Variants in ITGA9 observed in about 807,000 individuals in gnomAD.
ITGA9 encodes integrin alpha-9.
A neutral mutation model predicts 127.8 loss-of-function variants in ITGA9; 56 were observed. That is an observed-to-expected ratio of 0.44 (90% CI 0.35 to 0.55). The LOEUF (loss-of-function observed/expected upper bound fraction) is 0.55, where lower values mean the gene tolerates loss of function less well. Ranked by LOEUF, ITGA9 falls within the 20% of genes least tolerant of loss-of-function variation. ITGA9 has a pLI of 0.00. For synonymous variants in ITGA9, 508 were observed against 514.5 expected, an observed-to-expected ratio of 0.99 and a Z score of 0.17; for missense variants, 1,196 against 1,347.1, an observed-to-expected ratio of 0.89 and a Z score of 1.76.
At chr3:37,496,018 A>G (rs1698724209) in intron 5 of ITGA9, among the ~76,000 whole-genome samples, 1 of 152,090 alleles carries the variant, frequency 6.6e-6, no homozygotes, top group Non-Finnish European at 1.5e-5. Context: ...AGAGCTGGGG[A>G]AGGGCATGGG....
chr3:37,526,449 G>A (rs1490350993), intron 13 of ITGA9, among the ~76,000 whole-genome samples: 2 of 152,224 alleles, frequency 1.3e-5, no homozygotes, highest in African/African-American at 4.8e-5. Flanking sequence ...CGGGTGCTGG[G>A]AAGCACTGTT....
Position 37,473,342 on chromosome 3 carries a change from C to G in ITGA9, c.314-12C>G, listed in dbSNP as rs768455990. The G allele has an allele frequency of 1.2e-6, 2 of 1,611,948 alleles. No individual in the cohort carries two copies. Among genetic ancestry groups the G allele is most frequent in the Non-Finnish European group, 1.7e-6 (2 of 1,178,148 alleles). On this transcript the variant is annotated splice_polypyrimidine_tract_variant and intron_variant, in intron 2 of 27. Transcript: ENST00000264741. Reference sequence around the variant, plus strand: ...CCTCAACCCAAGTCTGGCTCTTCTCCTCTTTCTCCAGGGAAGAATCGGGGC... The same window carrying G: ...CCTCAACCCAAGTCTGGCTCTTCTCGTCTTTCTCCAGGGAAGAATCGGGGC...
intron 15 of ITGA9, among the ~76,000 whole-genome samples, chr3:37,556,244 G>GC (rs1699429820): frequency 6.6e-6 from 1 of 152,216 alleles, no homozygotes; most frequent in South Asian, 2.1e-4. Flanking sequence ...GAAATGGGGA[G>GC]CAGAATACTG....
At chr3:37,634,153 C>G (rs1700255090) in intron 16 of ITGA9, among the ~76,000 whole-genome samples, 1 of 151,468 alleles carries the variant, frequency 6.6e-6, no homozygotes, top group South Asian at 2.1e-4. Flanking sequence ...ATCACTTGAC[C>G]ACAAAGGAAG....
chr3:37,467,157 T>C (rs1698382026), intron 1 of ITGA9, among the ~76,000 whole-genome samples: 1 of 152,130 alleles, frequency 6.6e-6, no homozygotes. Context: ...TGTAAACACA[T>C]AGATACAAGC....
chr3:37,764,208 A>T (rs1292921221), intron 23 of ITGA9, among the ~76,000 whole-genome samples: 1 of 152,122 alleles, frequency 6.6e-6, no homozygotes, highest in Non-Finnish European at 1.5e-5. Context: ...TCCAAAAAAG[A>T]TTACAATTCC....
chr3:37,454,218 T>G (rs1024010112), intron 1 of ITGA9, among the ~76,000 whole-genome samples: 2 of 152,208 alleles, frequency 1.3e-5, no homozygotes, highest in African/African-American at 4.8e-5. Flanking sequence ...TTGGAGCTCT[T>G]TGACAGCTAG....
At chr3:37,614,340 C>A (rs2125627568) in intron 15 of ITGA9, among the ~76,000 whole-genome samples, 1 of 151,944 alleles carries the variant, frequency 6.6e-6, no homozygotes, top group African/African-American at 2.4e-5. Flanking sequence ...GTTTTGGTAC[C>A]AGTACCATGC....
intron 18 of ITGA9, among the ~76,000 whole-genome samples, chr3:37,710,899 G>A (rs1248151357): frequency 6.6e-6 from 1 of 152,234 alleles, no homozygotes; most frequent in Non-Finnish European, 1.5e-5. Flanking sequence ...CTGGATAGCA[G>A]CCCTAACACC....
At chr3:37,573,094 C>T (rs1262380799) in intron 15 of ITGA9, 1 of 152,120 alleles carries the variant, frequency 6.6e-6, no homozygotes, top group Non-Finnish European at 1.5e-5. Flanking sequence ...AGAACCTGGC[C>T]CAGGCTCCAC....
chr3:37,494,435 C>A, intron 4 of ITGA9, 66 bp from the exon 5 acceptor site: 2 of 1,190,200 alleles, frequency 1.7e-6, no homozygotes, highest in Non-Finnish European at 2.5e-6. Flanking sequence ...GCTCTGCTGG[C>A]TCCACGCACA....
intron 1 of ITGA9, among the ~76,000 whole-genome samples, chr3:37,466,483 C>CAAGAAAAA (rs1698372348): frequency 3.8e-5 from 1 of 26,066 alleles, no homozygotes; most frequent in Non-Finnish European, 5.9e-5. Context: ...GACACCATCT[C>CAAGAAAAA]AAAAAAAAAA....
chr3:37,566,540 C>T (rs1415057614), intron 15 of ITGA9, among the ~76,000 whole-genome samples: 3 of 152,178 alleles, frequency 2.0e-5, no homozygotes, highest in East Asian at 1.9e-4. Context: ...AAAGAGTGCT[C>T]AACTCAAGAT....
chr3:37,765,082 G>A (rs1207858547), intron 23 of ITGA9, among the ~76,000 whole-genome samples: 3 of 152,120 alleles, frequency 2.0e-5, no homozygotes, highest in East Asian at 1.9e-4. Flanking sequence ...ATTTGGTGCC[G>A]AGACCATAGT....
chr3:37,708,587 G>A (rs1701034316), intron 18 of ITGA9, among the ~76,000 whole-genome samples: 1 of 1,192 alleles, frequency 8.4e-4, no homozygotes, highest in South Asian at 0.029. Flanking sequence ...GAAATTTTTG[G>A]TTTCCACAAC....
rs983685852 is a variant in ITGA9, at chr3:37,607,403, A to G, written c.1690-21784A>G. Among the ~76,000 whole-genome samples, 8 of 152,290 alleles carry G rather than the reference A, an allele frequency of 5.3e-5. No homozygotes were observed. The East Asian group carries it at 1.5e-3, about 29-fold the overall frequency. ...TGTAAGAACAAAAAACTTTTTTTCT[A>G]TCTACAAGTGAGGAAAAAAATATTG... On this transcript the variant is annotated intron_variant, in intron 15 of 27. Coordinates refer to ENST00000264741, the MANE Select transcript of ITGA9 (RefSeq NM_002207.3).
chr3:37,486,231 A>T (rs1338200898), intron 4 of ITGA9, among the ~76,000 whole-genome samples: 1 of 152,254 alleles, frequency 6.6e-6, no homozygotes, highest in Non-Finnish European at 1.5e-5. Context: ...CAGCATGGCA[A>T]ATTAACAAAG....
chr3:37,729,623 G>A (rs376302746), intron 18 of ITGA9, among the ~76,000 whole-genome samples: 16 of 151,776 alleles, frequency 1.1e-4, no homozygotes, highest in East Asian at 5.8e-4. Flanking sequence ...TCGAGTTCCA[G>A]AGTACATTTT....
chr3:37,481,743 C>A, intron 4 of ITGA9, 136 bp downstream of exon 4: 1 of 1,226,988 alleles, frequency 8.2e-7, no homozygotes, highest in East Asian at 2.3e-5. Flanking sequence ...TGTTTGCTCC[C>A]AGATGGTCTC....
Sources: allele counts gnomAD v4.1 joint callset (sites outside exome capture counted in the v4.1 genomes callset), GRCh38; gene constraint gnomAD v4.1.1; transcripts MANE v1.5; gene names NCBI Gene and HGNC (gene_info 2026-07-23, HGNC 2026-07-21).